HMOX2: variants seen among roughly 807,000 people sequenced by gnomAD.
HMOX2 encodes the protein heme oxygenase (decycling) 2.
HMOX2 carries 30 observed loss-of-function variants against 33.7 expected under a neutral mutation model. The observed-to-expected ratio is 0.89, with a 90% CI of 0.67 to 1.21. The LOEUF is 1.21. Among genes scored for constraint, HMOX2 ranks in the 50% most tolerant of loss-of-function variants. The probability of loss-of-function intolerance (pLI) is 0.00; values close to 1 mark genes in which losing one functional copy is unlikely to be tolerated. For missense variants in HMOX2, 403 were observed against 399.1 expected (o/e 1.01, Z -0.08); for synonymous variants, 155 against 155.0 (o/e 1.00, Z 0.00).
At chr16:4,489,576 A>G (rs756910172) in intron 1 of HMOX2, among the ~76,000 whole-genome samples, 4 of 152,210 alleles carry the variant, frequency 2.6e-5, no homozygotes, top group Non-Finnish European at 5.9e-5. Flanking sequence ...CTCCTACCTC[A>G]GCCTCCCAGG....
chr16:4,502,315 AAC>A lies in HMOX2; in HGVS notation c.-41-3165_-41-3164del, dbSNP rs1426346411. ...AGAGCATGCAGTTATTATTGAGTAA[AAC>A]ACAGTTAATGAGATTTAATCACGTT... is the stretch of plus-strand genomic sequence containing the variant. On this transcript the variant is annotated intron_variant, in intron 1 of 5. Coordinates refer to ENST00000570646, the MANE Select transcript of HMOX2 (RefSeq NM_002134.4). Among the ~76,000 whole-genome samples the A allele has an allele frequency of 4.6e-5, 7 of 152,326 alleles. No homozygotes were observed. In the South Asian group the frequency reaches 6.2e-4, roughly 14 times the overall value.
chr16:4,483,905 T>A (rs1267137245), intron 1 of HMOX2, among the ~76,000 whole-genome samples: 1 of 149,808 alleles, frequency 6.7e-6, no homozygotes, highest in Non-Finnish European at 1.5e-5. Context: ...AGCCGCTGCA[T>A]CCAGCCTCAA....
intron 1 of HMOX2, among the ~76,000 whole-genome samples, chr16:4,481,361 A>G (rs75841117): frequency 0.014 from 2,119 of 151,912 alleles, 54 homozygotes; most frequent in African/African-American, 0.048. Flanking sequence ...AAAAAAAAAA[A>G]AAAAGAAAAA....
At chr16:4,480,239 G>A (rs1393933439) in intron 1 of HMOX2, among the ~76,000 whole-genome samples, 1 of 151,420 alleles carries the variant, frequency 6.6e-6, no homozygotes, top group Non-Finnish European at 1.5e-5. Flanking sequence ...GTAGAGATGG[G>A]GTTTCGCCAT....
Position 4,506,885 on chromosome 16 carries a change from C to T in HMOX2, c.87-10C>T. 1 of 1,597,952 alleles carries T rather than the reference C, an allele frequency of 6.3e-7. No homozygotes were observed. Among genetic ancestry groups the T allele is most frequent in the Non-Finnish European group, 8.6e-7 (1 of 1,165,362 alleles). The stretch of plus-strand genomic sequence containing the variant: ...TAATTGACACACAAACACCTCCCAT[C>T]TCTCCACAGAATGGCTGACCTCTCG... On this transcript the variant is annotated splice_polypyrimidine_tract_variant and intron_variant, in intron 2 of 5. Transcript: ENST00000570646.
rs1004083555 is a variant in HMOX2, at chr16:4,508,081, T to C, written c.573T>C (p.Asn191=). The C allele has an allele frequency of 1.9e-6, 3 of 1,613,956 alleles. No individual in the cohort carries two copies. Among genetic ancestry groups the C allele is most frequent in the South Asian group, 1.1e-5 (1 of 91,062 alleles). Residue 191 remains asparagine (N), a synonymous_variant, in exon 4 of 6, where the codon AAT becomes AAC. Transcript: ENST00000570646. ...GGACCCAGTTCTACCTGTTTGAGAA[T>C]GTGGACAATGCCCAGCAGTTCAAGC... ...GEGTQFYLFE[N]VDNAQQFKQL...
Position 4,510,039 on chromosome 16 carries a change from C to G in HMOX2, c.*283C>G, listed in dbSNP as rs1036092136. 33 of 475,674 alleles carry G rather than the reference C, an allele frequency of 6.9e-5. No homozygotes were observed. Among genetic ancestry groups the G allele is most frequent in the Non-Finnish European group, 1.1e-4 (29 of 264,076 alleles). 29.5% of individuals were successfully genotyped at this position (475,674 alleles called of 1,614,324 possible). A position where few individuals can be genotyped will look rare whatever the true frequency, so the allele number is the denominator to read the frequency against. ...CTCCAGGCTTCCACACTTCTGGGCC[C>G]TAGGCTGCTTCCGGTAGTCCCTGTT... On this transcript the variant is annotated 3_prime_UTR_variant, in exon 6 of 6. Coordinates refer to ENST00000570646, the MANE Select transcript of HMOX2 (RefSeq NM_002134.4).
intron 4 of HMOX2, among the ~76,000 whole-genome samples, chr16:4,509,039 T>A (rs1034892614): frequency 7.2e-5 from 11 of 152,182 alleles, no homozygotes; most frequent in African/African-American, 1.9e-4. Flanking sequence ...CAGCTCACTC[T>A]CTCTGGAGGG....
chr16:4,497,731 C>G (rs139400362), intron 1 of HMOX2, among the ~76,000 whole-genome samples: 1 of 152,256 alleles, frequency 6.6e-6, no homozygotes, highest in East Asian at 1.9e-4. Context: ...AAGTCTTGGA[C>G]TTCTTGAACT....
chr16:4,498,930 T>G (rs570792548), intron 1 of HMOX2, among the ~76,000 whole-genome samples: 2 of 152,328 alleles, frequency 1.3e-5, no homozygotes, highest in Admixed American at 1.3e-4. Flanking sequence ...CTGATTGAGC[T>G]CTGTCTGCTG....
At chr16:4,498,630 C>T (rs2058482015) in intron 1 of HMOX2, among the ~76,000 whole-genome samples, 1 of 152,166 alleles carries the variant, frequency 6.6e-6, no homozygotes, top group African/African-American at 2.4e-5. Context: ...CCACCTTGGC[C>T]TCCCAAAGTG....
chr16:4,475,359 CAGTGGTGGTG>C (rs1485535474), upstream of HMOX2, among the ~76,000 whole-genome samples: 5,196 of 151,556 alleles, frequency 0.034, 302 homozygotes, highest in African/African-American at 0.12. Context: ...GGCTGGAGTG[CAGTGGTGGTG>C]CGATCTTGGC....
chr16:4,508,063 G>C lies in HMOX2; in HGVS notation c.555G>C (p.Gln185His). The change falls in exon 4 of 6, where the codon CAG becomes CAC. Residue 185 changes from glutamine to histidine, a missense_variant. Gln to His is a conservative substitution (Grantham distance 24). Transcript: ENST00000570646. ...TCCCCAGCACAGGGGAAGGGACCCA[G>C]TTCTACCTGTTTGAGAATGTGGACA... is the stretch of plus-strand genomic sequence containing the variant. ...LKLPSTGEGT[Q>H]FYLFENVDNA... The C allele has an allele frequency of 6.2e-7, 1 of 1,614,158 alleles. No individual in the cohort carries two copies.
chr16:4,489,629 T>C (rs1475514222), intron 1 of HMOX2, among the ~76,000 whole-genome samples: 9 of 152,192 alleles, frequency 5.9e-5, no homozygotes. Flanking sequence ...TGGCTAAGTT[T>C]TGTATTTTTT....
At chr16:4,486,327 T>A (rs2058166762) in intron 1 of HMOX2, among the ~76,000 whole-genome samples, 1 of 152,200 alleles carries the variant, frequency 6.6e-6, no homozygotes, top group Non-Finnish European at 1.5e-5. Flanking sequence ...GGACAGCGTG[T>A]CCCCATGTGT....
chr16:4,475,046 G>A (rs1369173383), upstream of HMOX2, among the ~76,000 whole-genome samples: 1 of 151,912 alleles, frequency 6.6e-6, no homozygotes, highest in Non-Finnish European at 1.5e-5. Flanking sequence ...CCGCCCCCCG[G>A]GTTCAAGAGA....
intron 1 of HMOX2, among the ~76,000 whole-genome samples, chr16:4,491,830 C>T (rs12443748): frequency 0.57 from 85,850 of 151,522 alleles, 26,733 homozygotes; most frequent in Non-Finnish European, 0.7. Flanking sequence ...ACTATAGGCG[C>T]ATGCCATCAC....
intron 1 of HMOX2, among the ~76,000 whole-genome samples, chr16:4,477,883 T>A (rs552354637): frequency 2.6e-5 from 4 of 152,186 alleles, no homozygotes; most frequent in Admixed American, 1.3e-4. Flanking sequence ...ATCGCATCAC[T>A]GCACTCCAGC....
chr16:4,477,943 C>T (rs935689658), intron 1 of HMOX2, among the ~76,000 whole-genome samples: 28 of 152,006 alleles, frequency 1.8e-4, no homozygotes, highest in Non-Finnish European at 3.5e-4. Context: ...AATAAATTAT[C>T]ACAAGACAAA....
Sources: gnomAD v4.1 joint callset for allele counts (sites outside exome capture counted in the v4.1 genomes callset) on GRCh38, gnomAD v4.1.1 for gene constraint, MANE v1.5 for transcripts, NCBI Gene and HGNC (gene_info 2026-07-23, HGNC 2026-07-21) for gene names.